Variants in SYT9 observed in about 807,000 individuals in gnomAD.
SYT9 encodes synaptotagmin 9, also known as synaptotagmin-9.
In SYT9, 22 loss-of-function variants were observed where a neutral mutation model predicts 48.4. The observed-to-expected ratio is 0.45, with a 90% CI of 0.32 to 0.65. SYT9 has a LOEUF of 0.65. SYT9 is among the 30% of genes least tolerant of loss of function. The pLI, the probability that SYT9 is intolerant of heterozygous loss-of-function variation, is 0.03. For synonymous variants in SYT9, 265 were observed against 245.0 expected (o/e 1.08, Z -0.76); for missense variants, 577 against 622.0 (o/e 0.93, Z 0.77).
At chr11:7,463,169 C>T (rs1848264184) in intron 6 of SYT9, among the ~76,000 whole-genome samples, 1 of 152,200 alleles carries the variant, frequency 6.6e-6, no homozygotes. Flanking sequence ...AACAAGGACA[C>T]TGCTGCTTCT....
chr11:7,344,813 T>C (rs1849771712), intron 3 of SYT9, among the ~76,000 whole-genome samples: 1 of 152,178 alleles, frequency 6.6e-6, no homozygotes, highest in African/African-American at 2.4e-5. Flanking sequence ...TGCAGATTTA[T>C]AAATCTTGAA....
chr11:7,437,612 G>A (rs139517330), intron 6 of SYT9: 257 of 151,898 alleles, frequency 1.7e-3, no homozygotes, highest in African/African-American at 5.8e-3. Context: ...ATATTTTTAG[G>A]ACCCTCTAGA....
intron 3 of SYT9, among the ~76,000 whole-genome samples, chr11:7,355,229 G>A (rs1221794074): frequency 6.6e-6 from 1 of 152,298 alleles, no homozygotes; most frequent in East Asian, 1.9e-4. Context: ...AGTGCCAGCT[G>A]CAGGACACAG....
chr11:7,452,928 A>C (rs12275659), intron 6 of SYT9, among the ~76,000 whole-genome samples: 26,520 of 151,876 alleles, frequency 0.17, 2,819 homozygotes, highest in African/African-American at 0.29. Context: ...GATTACAGTC[A>C]TGCACCACCA....
At chr11:7,386,754 TC>T (rs1850668459) in intron 3 of SYT9, among the ~76,000 whole-genome samples, 1 of 152,190 alleles carries the variant, frequency 6.6e-6, no homozygotes, top group Non-Finnish European at 1.5e-5. Flanking sequence ...TCCTTAGGGA[TC>T]TTGAACTAGA....
chr11:7,311,346 T>C (rs1169594946), intron 2 of SYT9, among the ~76,000 whole-genome samples: 2 of 152,128 alleles, frequency 1.3e-5, no homozygotes, highest in Non-Finnish European at 2.9e-5. Context: ...ACCACTATGG[T>C]AGATTTAGTC....
intron 1 of SYT9, among the ~76,000 whole-genome samples, chr11:7,292,443 G>C (rs1487878): frequency 0.27 from 41,753 of 152,112 alleles, 6,308 homozygotes; most frequent in South Asian, 0.39. Context: ...CCATTGTAAA[G>C]GTGAGAAATG....
intron 3 of SYT9, among the ~76,000 whole-genome samples, chr11:7,415,722 A>G (rs778596553): frequency 2.6e-5 from 4 of 152,102 alleles, no homozygotes; most frequent in Non-Finnish European, 4.4e-5. Context: ...AGACTTATGC[A>G]CTGGAGGATG....
At chr11:7,399,169 T>C (rs1846824936) in intron 3 of SYT9, among the ~76,000 whole-genome samples, 1 of 152,208 alleles carries the variant, frequency 6.6e-6, no homozygotes, top group African/African-American at 2.4e-5. Context: ...TTGGAGAAAC[T>C]GGATGATCAT....
chr11:7,290,946 A>G (rs1168821571), intron 1 of SYT9, among the ~76,000 whole-genome samples: 3 of 152,198 alleles, frequency 2.0e-5, no homozygotes, highest in African/African-American at 7.2e-5. Context: ...CAAGGAAAGG[A>G]TCAAAGGATA....
In SYT9 at chr11:7,313,929, A is replaced by G; in HGVS notation, c.1032A>G (p.Glu344=). ...PRECILWKDI[E]YVTNDNVDLG... is the part of the protein sequence containing the mutation. ...AGTGCATCCTTTGGAAGGATATCGA[A>G]TATGTCACCAATGTGAGTCCAGCAT... Residue 344 remains glutamate, a synonymous_variant, in exon 3 of 7, where the codon GAA becomes GAG. Transcript: ENST00000318881. The G allele has an allele frequency of 1.2e-6, 2 of 1,611,788 alleles. No homozygotes were observed. Among genetic ancestry groups the G allele is most frequent in the Non-Finnish European group, 1.7e-6 (2 of 1,179,360 alleles).
intron 1 of SYT9, among the ~76,000 whole-genome samples, chr11:7,284,980 T>G (rs1201080328): frequency 2.0e-5 from 3 of 152,154 alleles, no homozygotes; most frequent in Non-Finnish European, 4.4e-5. Flanking sequence ...CCATTATTTT[T>G]CACCCACTCT....
At chr11:7,395,792 ATCCTGTCAC>A (rs1470722929) in intron 3 of SYT9, among the ~76,000 whole-genome samples, 4 of 151,812 alleles carry the variant, frequency 2.6e-5, no homozygotes, top group African/African-American at 9.7e-5. Flanking sequence ...TTTTTTATTC[ATCCTGTCAC>A]TCTATGTCAT....
At chr11:7,301,763 G>C (rs1192740589) in intron 1 of SYT9, among the ~76,000 whole-genome samples, 2 of 152,286 alleles carry the variant, frequency 1.3e-5, no homozygotes, top group Middle Eastern at 3.4e-3. Context: ...AATCCTTGGG[G>C]CTCCAGAGTG....
At chr11:7,446,659 C>T (rs1015990841) in intron 6 of SYT9, among the ~76,000 whole-genome samples, 1 of 152,230 alleles carries the variant, frequency 6.6e-6, no homozygotes, top group Non-Finnish European at 1.5e-5. Context: ...GGCCATCCCC[C>T]CCAGCCTCTC....
intron 2 of SYT9, 107 bp from the exon 3 acceptor site, chr11:7,313,288 A>C: frequency 8.3e-7 from 1 of 1,200,186 alleles, no homozygotes; most frequent in East Asian, 2.5e-5. Context: ...CCACAGATCT[A>C]AGCTCCTGAC....
intron 6 of SYT9, among the ~76,000 whole-genome samples, chr11:7,453,739 A>C (rs1848100686): frequency 6.6e-6 from 1 of 152,238 alleles, no homozygotes; most frequent in Admixed American, 6.5e-5. Flanking sequence ...TTTCCATCAC[A>C]GAGCAGATGG....
intron 3 of SYT9, among the ~76,000 whole-genome samples, chr11:7,357,329 T>G (rs1342646145): frequency 6.6e-6 from 1 of 152,192 alleles, no homozygotes; most frequent in Non-Finnish European, 1.5e-5. Flanking sequence ...TAATATCATC[T>G]TACCTTGATA....
Position 7,252,480 on chromosome 11 carries a change from C to A in SYT9, c.145+149C>A. ...AGGAGAGTGATCAAGAACCAGCGCA[C>A]TGTGGCCTGATGCTGTAACCAGGCG... On this transcript the variant is annotated intron_variant, in intron 1 of 6. Coordinates refer to ENST00000318881, the MANE Select transcript of SYT9 (RefSeq NM_175733.4). The surrounding 1 kb of genome is among the most constrained non-coding windows in gnomAD (Gnocchi z 6.3). 1 of 900,720 alleles carries A rather than the reference C, an allele frequency of 1.1e-6. No individual in the cohort carries two copies. Among genetic ancestry groups the A allele is most frequent in the Non-Finnish European group, 1.5e-6 (1 of 666,806 alleles). 55.8% of individuals were successfully genotyped at this position (900,720 alleles called of 1,614,324 possible).
Sources: allele counts gnomAD v4.1 joint callset (sites outside exome capture counted in the v4.1 genomes callset), GRCh38; gene constraint gnomAD v4.1.1; non-coding constraint Gnocchi (gnomAD v3.1); transcripts MANE v1.5; gene names NCBI Gene and HGNC (gene_info 2026-07-23, HGNC 2026-07-21).